The following CMIP variants were observed in gnomAD, a reference collection of about 807,000 sequenced individuals.
CMIP encodes c-Maf inducing protein.
CMIP carries 13 observed loss-of-function variants against 97.3 expected under a neutral mutation model. The ratio of observed to expected loss-of-function variants is 0.13; its 90% confidence interval spans 0.09 to 0.21. The LOEUF (loss-of-function observed/expected upper bound fraction) is 0.21, where lower values mean the gene tolerates loss of function less well. Among genes scored for constraint, CMIP ranks in the 10% least tolerant of loss-of-function variants. The pLI, the probability that CMIP is intolerant of heterozygous loss-of-function variation, is 1.00. For missense variants in CMIP, 847 were observed against 1,024.9 expected, an observed-to-expected ratio of 0.83 and a Z score of 2.37; for synonymous variants, 538 against 436.3, an observed-to-expected ratio of 1.23 and a Z score of -2.91.
In CMIP at chr16:81,625,550, C is replaced by T. The variant is rs145806073; in HGVS notation, c.477+4624C>T. On this transcript the variant is annotated intron_variant, in intron 3 of 20. Transcript: ENST00000537098. ...CCAGTCTGTGGGGCAAGGCCAAGAGCGTGTTCAGGCTGTGAGGGGACCGTG... is the reference window on the plus strand; with the variant it reads ...CCAGTCTGTGGGGCAAGGCCAAGAGTGTGTTCAGGCTGTGAGGGGACCGTG... Among the ~76,000 whole-genome samples the T allele has an allele frequency of 7.3e-3, 1,105 of 152,316 alleles. 16 individuals carry two copies. Among genetic ancestry groups the T allele is most frequent in the African/African-American group, 0.025 (1,031 of 41,568 alleles).
At chr16:81,704,169 C>A in intron 18 of CMIP, 84 bp downstream of exon 18, 2 of 1,263,724 alleles carry the variant, frequency 1.6e-6, no homozygotes, top group Non-Finnish European at 1.1e-6. Context: ...GTACCATCTT[C>A]CTTTCCCCTC....
At chr16:81,543,623 T>G (rs932913034) in intron 1 of CMIP, among the ~76,000 whole-genome samples, 12 of 152,306 alleles carry the variant, frequency 7.9e-5, no homozygotes, top group African/African-American at 2.2e-4. Flanking sequence ...GGCTAGTCAC[T>G]TCCCCCCGTT....
intron 3 of CMIP, among the ~76,000 whole-genome samples, chr16:81,625,380 C>G (rs946510076): frequency 1.3e-5 from 2 of 152,252 alleles, no homozygotes; most frequent in Non-Finnish European, 2.9e-5. Context: ...AATAGTTATT[C>G]TGGGTTAATG....
chr16:81,558,575 C>T (rs1374916004), intron 1 of CMIP, among the ~76,000 whole-genome samples: 1 of 152,226 alleles, frequency 6.6e-6, no homozygotes. Context: ...CAAATGTCAA[C>T]AGTGCCCAGG....
At chr16:81,591,234 C>T (rs4503787) in intron 1 of CMIP, among the ~76,000 whole-genome samples, 4 of 152,014 alleles carry the variant, frequency 2.6e-5, no homozygotes, top group Non-Finnish European at 5.9e-5. Context: ...ATGGGTCATT[C>T]GTGGGGAGAT....
At chr16:81,568,484 C>T (rs1037613090) in intron 1 of CMIP, among the ~76,000 whole-genome samples, 3 of 152,128 alleles carry the variant, frequency 2.0e-5, no homozygotes, top group Non-Finnish European at 4.4e-5. Flanking sequence ...CACCGTGCCT[C>T]GGGAGTGAGT....
chr16:81,520,757 T>C (rs941329186), intron 1 of CMIP: 1 of 152,212 alleles, frequency 6.6e-6, no homozygotes, highest in Non-Finnish European at 1.5e-5. Flanking sequence ...TGTGTGACCT[T>C]GGGCAAATAA....
intron 1 of CMIP, among the ~76,000 whole-genome samples, chr16:81,524,964 A>T (rs11649197): frequency 0.41 from 62,765 of 151,260 alleles, 14,613 homozygotes; most frequent in Non-Finnish European, 0.52. Context: ...CCTGGCTGAT[A>T]ATTGTATTTT....
chr16:81,624,247 C>T lies in CMIP; in HGVS notation c.477+3321C>T, dbSNP rs549963045. ...TTATTATACTTTAAGTTTTAGGGTA[C>T]GTGTGCACAACGTGCAGGTTTGTTA... On this transcript the variant is annotated intron_variant, in intron 3 of 20. Coordinates refer to ENST00000537098, the MANE Select transcript of CMIP (RefSeq NM_198390.3). Among the ~76,000 whole-genome samples the T allele has an allele frequency of 3.9e-5, 6 of 151,926 alleles. No individual in the cohort carries two copies. In the South Asian group the frequency reaches 1.2e-3, roughly 32 times the overall value.
intron 12 of CMIP, 75 bp from the exon 13 acceptor site, chr16:81,693,364 C>G: frequency 6.4e-7 from 1 of 1,561,260 alleles, no homozygotes; most frequent in Non-Finnish European, 8.7e-7. Context: ...TCCTTGACAC[C>G]ATCCCCTCCC....
intron 6 of CMIP, among the ~76,000 whole-genome samples, chr16:81,662,695 G>T (rs958572076): frequency 2.6e-5 from 4 of 152,194 alleles, no homozygotes; most frequent in African/African-American, 9.7e-5. Flanking sequence ...CTCATCTGGG[G>T]GCCGGGTGGG....
intron 10 of CMIP, among the ~76,000 whole-genome samples, chr16:81,678,948 G>A (rs2151057724): frequency 6.6e-6 from 1 of 152,356 alleles, no homozygotes; most frequent in African/African-American, 2.4e-5. Flanking sequence ...TGAGTGCCTG[G>A]GCACATGTGC....
At chr16:81,625,625 TC>T (rs1217208742) in intron 3 of CMIP, among the ~76,000 whole-genome samples, 1 of 152,188 alleles carries the variant, frequency 6.6e-6, no homozygotes, top group East Asian at 1.9e-4. Flanking sequence ...GTCCAGGGTT[TC>T]AAGGTGAGAG....
intron 1 of CMIP, among the ~76,000 whole-genome samples, chr16:81,597,599 G>GC (rs946119725): frequency 6.6e-6 from 1 of 151,492 alleles, no homozygotes; most frequent in African/African-American, 2.4e-5. Flanking sequence ...GGAGCGGGGG[G>GC]GGGGGAGTCT....
intron 15 of CMIP, among the ~76,000 whole-genome samples, chr16:81,700,954 G>C (rs1907329397): frequency 6.6e-6 from 1 of 152,176 alleles, no homozygotes; most frequent in East Asian, 1.9e-4. Context: ...GAGGCGCTGT[G>C]AGAAGCGTGG....
chr16:81,650,574 G>C lies in CMIP; in HGVS notation c.478-1629G>C, dbSNP rs77450996. On this transcript the variant is annotated intron_variant, in intron 3 of 20. Transcript: ENST00000537098. ...TATCAGAGGCCCCAGAAAATCATGG[G>C]GTGCGGGAAAATAATGGAGAGGAGG... Among the ~76,000 whole-genome samples the C allele has an allele frequency of 8.5e-3, 1,298 of 152,228 alleles. 24 individuals carry two copies. The highest frequency in any genetic ancestry group is 0.03 in the African/African-American group (1,234 of 41,516).
chr16:81,452,278 G>C (rs1480634490), intron 1 of CMIP, among the ~76,000 whole-genome samples: 5 of 152,100 alleles, frequency 3.3e-5, no homozygotes, highest in African/African-American at 1.2e-4. Flanking sequence ...GGTGACCTTG[G>C]GCAGGTCCCC....
intron 1 of CMIP, among the ~76,000 whole-genome samples, chr16:81,540,643 A>AGTGT (rs67286788): frequency 0.04 from 5,663 of 141,882 alleles, 143 homozygotes; most frequent in Middle Eastern, 0.098. Flanking sequence ...TCTTGTTTTG[A>AGTGT]GTGTGTGTGT....
chr16:81,522,589 T>C (rs1179258663), intron 1 of CMIP, among the ~76,000 whole-genome samples: 1 of 152,220 alleles, frequency 6.6e-6, no homozygotes, highest in Non-Finnish European at 1.5e-5. Context: ...GACATGTGGC[T>C]TCACCACCTA....
Sources: allele counts gnomAD v4.1 joint callset (sites outside exome capture counted in the v4.1 genomes callset), GRCh38; gene constraint gnomAD v4.1.1; transcripts MANE v1.5; gene names NCBI Gene and HGNC (gene_info 2026-07-23, HGNC 2026-07-21).